The following ASL variants were observed in gnomAD, a reference collection of about 807,000 sequenced individuals.
The protein encoded by ASL is argininosuccinate lyase.
A neutral mutation model predicts 69.1 loss-of-function variants in ASL; 51 were observed. The ratio of observed to expected loss-of-function variants is 0.74; its 90% CI spans 0.59 to 0.93. ASL has a LOEUF of 0.93. ASL is among the 40% of genes least tolerant of loss of function. The pLI is 0.00. For synonymous variants in ASL, 241 were observed against 247.6 expected, an observed-to-expected ratio of 0.97 and a Z score of 0.25; for missense variants, 540 against 623.9, an observed-to-expected ratio of 0.87 and a Z score of 1.43.
chr7:66,090,331 T>A (rs1786807401), intron 14 of ASL, among the ~76,000 whole-genome samples: 1 of 152,198 alleles, frequency 6.6e-6, no homozygotes, highest in African/African-American at 2.4e-5. Flanking sequence ...TGGAGTGCAG[T>A]GGTGCGGTCG....
intron 2 of ASL, among the ~76,000 whole-genome samples, chr7:66,080,832 G>T (rs533465811): frequency 1.3e-5 from 2 of 152,170 alleles, no homozygotes; most frequent in Non-Finnish European, 2.9e-5. Flanking sequence ...ACAATGGGGG[G>T]TGTCAGGGTG....
chr7:66,077,661 G>A lies in ASL; in HGVS notation c.12+1568G>A, dbSNP rs111226101. On this transcript the variant is annotated intron_variant, in intron 2 of 16. Transcript: ENST00000304874. Reference sequence around the variant, plus strand: ...GGAGAATCGCTTGAACTCGGGAGGCGGAGGTTGCAGTGAGCTGAGATCGCA... The same window carrying A: ...GGAGAATCGCTTGAACTCGGGAGGCAGAGGTTGCAGTGAGCTGAGATCGCA... 7.4e-4 allele frequency among the ~76,000 whole-genome samples: 113 copies of A among 151,862 alleles called. 4 individuals carry two copies. The highest frequency in any genetic ancestry group is 2.7e-3 in the African/African-American group (110 of 41,372).
chr7:66,087,380 C>G lies in ASL; in HGVS notation c.649C>G (p.Arg217Gly). The G allele has an allele frequency of 1.9e-6, 3 of 1,607,010 alleles. No homozygotes were observed. The highest frequency in any genetic ancestry group is 1.1e-5 in the South Asian group (1 of 91,066). ...NPLGVDRELL[R>G]AELNFGAITL... ...CCTGGGTGTGGACCGAGAGCTGCTC[C>G]GAGCAGGTGAGACGTCCTGCCCCTC... is the stretch of plus-strand genomic sequence containing the variant. Residue 217 changes from arginine (R) to glycine (G), a missense_variant, in exon 9 of 17, where the codon CGA becomes GGA. Coordinates refer to ENST00000304874, the MANE Select transcript of ASL (RefSeq NM_000048.4).
At chr7:66,091,816 G>A (rs1786851147) in intron 14 of ASL, 190 bp from the exon 15 acceptor site, 1 of 652,970 alleles carries the variant, frequency 1.5e-6, no homozygotes, top group East Asian at 2.7e-5. Flanking sequence ...GCCAGTAAGT[G>A]TTCATAGCAC....
intron 2 of ASL, 43 bp downstream of exon 2, chr7:66,076,136 G>C (rs1280299478): frequency 7.0e-6 from 11 of 1,576,176 alleles, no homozygotes; most frequent in Non-Finnish European, 9.5e-6. Context: ...AGCCTCCAAA[G>C]GAGAGAGTGG....
intron 4 of ASL, 75 bp from the exon 5 acceptor site, chr7:66,082,805 T>C: frequency 6.3e-7 from 1 of 1,586,508 alleles, no homozygotes; most frequent in South Asian, 1.1e-5. Flanking sequence ...GCAGGGCTGA[T>C]GAGGAAAACT....
chr7:66,089,712 C>G lies in ASL; in HGVS notation c.1062+17C>G. ...ACGCTGCAGGCAAGACATCACCCCC[C>G]TGCTTCTCCTCCCCTAGGTCCCAGG... is the stretch of plus-strand genomic sequence containing the variant. On this transcript the variant is annotated intron_variant, in intron 14 of 16. Transcript: ENST00000304874. 2 of 1,612,414 alleles carry G rather than the reference C, an allele frequency of 1.2e-6. No homozygotes were observed. Among genetic ancestry groups the G allele is most frequent in the Middle Eastern group, 1.6e-4 (1 of 6,062 alleles).
chr7:66,082,343 C>G (rs1397803871), intron 3 of ASL, 25 bp from the exon 4 acceptor site: 2 of 1,601,058 alleles, frequency 1.2e-6, no homozygotes, highest in Middle Eastern at 1.7e-4. Context: ...TCACCTGACC[C>G]CGGCATTGCT....
intron 8 of ASL, 24 bp from the exon 9 acceptor site, chr7:66,087,310 C>T: frequency 6.2e-7 from 1 of 1,600,816 alleles, no homozygotes; most frequent in Non-Finnish European, 8.5e-7. Flanking sequence ...GAGCCCTGGT[C>T]ACCATGAATC....
intron 10 of ASL, among the ~76,000 whole-genome samples, chr7:66,088,443 T>C (rs1006498325): frequency 1.3e-5 from 2 of 152,166 alleles, no homozygotes; most frequent in Non-Finnish European, 2.9e-5. Context: ...ATTGTGCCAC[T>C]GTACTCCAGC....
rs1207016960 is a variant in ASL at position 66,087,230 on chromosome 7, CTGTGTGTGCGTTCGTGTG to C, written c.603-95_603-78del. On this transcript the variant is annotated intron_variant, in intron 8 of 16. Coordinates refer to ENST00000304874, the MANE Select transcript of ASL (RefSeq NM_000048.4). ...GCCCTGGCAACCAGGACTTGGTTCT[CTGTGTGTGCGTTCGTGTG>C]TGTGTGTGTGTGTGTGTGTGTGTGT... 6 of 1,384,086 alleles carry C rather than the reference CTGTGTGTGCGTTCGTGTG, an allele frequency of 4.3e-6. No individual in the cohort carries two copies. In the East Asian group the frequency reaches 1.2e-4, roughly 27 times the overall value. The allele number at this position is 1,384,086 out of a possible 1,614,324, so 85.7% of individuals were successfully genotyped here.
chr7:66,092,176 G>A, intron 15 of ASL, 90 bp downstream of exon 15: 1 of 1,474,482 alleles, frequency 6.8e-7, no homozygotes, highest in East Asian at 2.3e-5. Context: ...AAGCGGCCCA[G>A]CCTGGTGGCT....
At chr7:66,082,254 C>T in intron 3 of ASL, 114 bp from the exon 4 acceptor site, 1 of 1,223,692 alleles carries the variant, frequency 8.2e-7, no homozygotes, top group Non-Finnish European at 1.2e-6. Flanking sequence ...TTCCAGGACT[C>T]AGCTCCTGGG....
chr7:66,088,458 G>A (rs990465573), intron 10 of ASL, among the ~76,000 whole-genome samples: 4 of 152,174 alleles, frequency 2.6e-5, no homozygotes, highest in Admixed American at 6.6e-5. Context: ...TCCAGCCTGT[G>A]CATTGGGAGC....
rs200363489 is a variant in ASL, at chr7:66,092,905, A to G, written c.1388A>G (p.Gln463Arg). 351 of 1,607,194 alleles carry G rather than the reference A, an allele frequency of 2.2e-4. 4 individuals carry two copies. In the East Asian group the frequency reaches 7.8e-3, roughly 36 times the overall value. Reference sequence around the variant, plus strand: ...GTGCGGGCGCTACTGCAGGCACAGCAGGCCTAGGTCCTCCCACACCTGCCC... The same window carrying G: ...GTGCGGGCGCTACTGCAGGCACAGCGGGCCTAGGTCCTCCCACACCTGCCC... ...RQVRALLQAQ[Q>R]A The change falls in exon 17 of 17, where the codon CAG (glutamine) becomes CGG (arginine). Residue 463 changes from glutamine (Q) to arginine (R), a missense_variant. By Grantham distance (43) the Gln-to-Arg change is conservative (BLOSUM62 1). Transcript: ENST00000304874.
At chr7:66,078,626 CTTATTATTA>C (rs140699491) in intron 2 of ASL, among the ~76,000 whole-genome samples, 1 of 151,132 alleles carries the variant, frequency 6.6e-6, no homozygotes. Flanking sequence ...TTATCCTTAT[CTTATTATTA>C]TTATTATTAT....
In ASL at chr7:66,083,152, A is replaced by G. The variant is rs375601630; in HGVS notation, c.424A>G (p.Thr142Ala). 1.2e-6 allele frequency: 2 copies of G among 1,612,878 alleles called. No homozygotes were observed. Among genetic ancestry groups the G allele is most frequent in the African/African-American group, 1.3e-5 (1 of 74,758 alleles). Residue 142 changes from threonine to alanine, a missense_variant, in exon 6 of 17, where the codon ACC becomes GCC. Coordinates refer to ENST00000304874, the MANE Select transcript of ASL (RefSeq NM_000048.4). The part of the protein sequence containing the change: ...LSGLLWELIR[T>A]MVDRAEAERD... The stretch of plus-strand genomic sequence containing the variant: ...GGGCCTCCTCTGGGAGCTCATTAGG[A>G]CCATGGTGGATCGGGCAGAGGCGTG...
intron 6 of ASL, among the ~76,000 whole-genome samples, chr7:66,086,114 A>G (rs1786654897): frequency 6.6e-6 from 1 of 152,046 alleles, no homozygotes; most frequent in African/African-American, 2.4e-5. Flanking sequence ...ACAAAACAAC[A>G]AGAAAACAGG....
intron 14 of ASL, among the ~76,000 whole-genome samples, chr7:66,090,630 G>T (rs539194259): frequency 2.0e-5 from 3 of 152,164 alleles, no homozygotes; most frequent in Admixed American, 2.0e-4. Context: ...GCTAGAGAAT[G>T]CATAATGAAC....
Sources: allele counts gnomAD v4.1 joint callset (sites outside exome capture counted in the v4.1 genomes callset), GRCh38; gene constraint gnomAD v4.1.1; transcripts MANE v1.5; gene names NCBI Gene and HGNC (gene_info 2026-07-23, HGNC 2026-07-21).